The following MROH2A variants were observed in gnomAD, a reference collection of about 807,000 sequenced individuals.
MROH2A encodes the protein maestro heat-like repeat-containing protein family member 2A.
MROH2A carries 174 observed loss-of-function variants against 200.4 expected under a neutral mutation model. That is an observed-to-expected ratio of 0.87 (90% CI 0.77 to 0.98). The LOEUF (loss-of-function observed/expected upper bound fraction) is 0.98. MROH2A is among the 50% of genes least tolerant of loss of function. MROH2A has a pLI of 0.00. For missense variants in MROH2A, 2,045 were observed against 2,139.6 expected, an observed-to-expected ratio of 0.96 and a Z score of 0.87; for synonymous variants, 829 against 840.4, an observed-to-expected ratio of 0.99 and a Z score of 0.23.
Position 233,798,802 on chromosome 2 carries a change from C to A in MROH2A, c.1281C>A (p.Tyr427Ter). The change falls in exon 12 of 42, where the codon TAC becomes TAA. Residue 427 changes from tyrosine to a stop codon, truncating the protein, a stop_gained. Transcript: ENST00000389758. LOFTEE classifies it high-confidence loss of function. ...CCAGGATGAGTATCAGGGCCATCTA[C>A]CTGGCTATCCGGGTAGTCAAGAACA... ...DEPRMSIRAIYLAIRVVKNTI... is the reference protein window; with the variant it reads ...DEPRMSIRAI 1 of 1,550,498 alleles carries A rather than the reference C, an allele frequency of 6.4e-7. No homozygotes were observed. Among genetic ancestry groups the A allele is most frequent in the Non-Finnish European group, 8.7e-7 (1 of 1,146,964 alleles).
At position 233,790,012 on chromosome 2, in the gene MROH2A, A is replaced by G; in HGVS notation, c.569A>G (p.Asn190Ser). The change falls in exon 5 of 42, where the codon AAT (asparagine) becomes AGT (serine). Residue 190 changes from asparagine (N) to serine (S), a missense_variant and splice_region_variant. Physicochemically the swap from Asn to Ser is conservative, Grantham distance 46 (BLOSUM62 1). Transcript: ENST00000389758. ...IITLAKLANGNVFEFMPYMGI... is the reference protein window; with the variant it reads ...IITLAKLANGSVFEFMPYMGI... ...ACACTGGCCAAGCTGGCCAACGGCA[A>G]TGGTAGGGGCTTGAGGGCCCTCAGC... 12 of 1,547,224 alleles carry G rather than the reference A, an allele frequency of 7.8e-6. No homozygotes were observed. The highest frequency in any genetic ancestry group is 7.9e-6 in the Non-Finnish European group (9 of 1,145,176).
At chr2:233,805,244 C>T (rs553543309) in intron 19 of MROH2A, 133 bp downstream of exon 19, 58 of 577,244 alleles carry the variant, frequency 1.0e-4, no homozygotes, top group African/African-American at 7.2e-4. Context: ...AGGAGAGGAG[C>T]GTGGTCTGGA....
intron 15 of MROH2A, among the ~76,000 whole-genome samples, chr2:233,802,733 C>T (rs115681707): frequency 0.011 from 1,630 of 152,302 alleles, 16 homozygotes; most frequent in Non-Finnish European, 0.017. Flanking sequence ...GCACTGTTAA[C>T]ACCAGGCTCT....
chr2:233,788,996 G>A lies in MROH2A; in HGVS notation c.277-501G>A, dbSNP rs1299358602. ...AGTAACTTGTCATGCCTGATTAAAA[G>A]TATTCTCAAATACGACCCTCCAGGT... is the stretch of plus-strand genomic sequence containing the variant. On this transcript the variant is annotated intron_variant, in intron 3 of 41. Coordinates refer to ENST00000389758, the MANE Select transcript of MROH2A (RefSeq NM_001394639.1). 2.4e-5 allele frequency among the ~76,000 whole-genome samples: 3 copies of A among 125,268 alleles called. No homozygotes were observed. In the Admixed American group the frequency reaches 2.5e-4, roughly 10 times the overall value. The allele number at this position is 125,268 out of a possible 152,430, so 82.2% of individuals were successfully genotyped here.
Position 233,800,333 on chromosome 2 carries a change from C to T in MROH2A, c.1560+18C>T, listed in dbSNP as rs1040356922. Reference sequence around the variant, plus strand: ...TGACCACCGTGAGTGGGCCCTGCCCCACCCGCACAGTGGGTCACCACGCCA... The same window carrying T: ...TGACCACCGTGAGTGGGCCCTGCCCTACCCGCACAGTGGGTCACCACGCCA... On this transcript the variant is annotated intron_variant, in intron 14 of 41. Transcript: ENST00000389758. 33 of 1,472,196 alleles carry T rather than the reference C, an allele frequency of 2.2e-5. No individual in the cohort carries two copies. Among genetic ancestry groups the T allele is most frequent in the Non-Finnish European group, 2.7e-5 (29 of 1,084,842 alleles). 91.2% of individuals were successfully genotyped at this position (1,472,196 alleles called of 1,614,324 possible).
upstream of MROH2A, chr2:233,775,888 A>G (rs1317200225): frequency 2.0e-5 from 3 of 152,178 alleles, no homozygotes; most frequent in Non-Finnish European, 2.9e-5. Context: ...TCTCCATGCT[A>G]TTTGTGTGAT....
intron 3 of MROH2A, among the ~76,000 whole-genome samples, chr2:233,781,680 C>T (rs965939467): frequency 4.6e-5 from 7 of 152,102 alleles, no homozygotes; most frequent in Admixed American, 1.3e-4. Context: ...GTTGTCTCTT[C>T]GCTTTGTTCA....
intron 41 of MROH2A, 125 bp from the exon 42 acceptor site, chr2:233,833,013 A>G: frequency 2.6e-6 from 3 of 1,172,352 alleles, no homozygotes; most frequent in Non-Finnish European, 3.5e-6. Flanking sequence ...TTTCCCACAC[A>G]GGAGTTTCCC....
chr2:233,785,926 G>T lies in MROH2A; in HGVS notation c.277-3571G>T, dbSNP rs114562226. On this transcript the variant is annotated intron_variant, in intron 3 of 41. Transcript: ENST00000389758. Reference sequence around the variant, plus strand: ...TGGAAGCTGGAAGTCCCTGATTGAGGTGCGATATGGTTTGGCTGTGTCCCC... The same window carrying T: ...TGGAAGCTGGAAGTCCCTGATTGAGTTGCGATATGGTTTGGCTGTGTCCCC... 7.4e-3 allele frequency among the ~76,000 whole-genome samples: 1,123 copies of T among 152,248 alleles called. 11 individuals carry two copies. The highest frequency in any genetic ancestry group is 0.025 in the African/African-American group (1,059 of 41,554).
chr2:233,795,553 T>C (rs1348905917), intron 8 of MROH2A, 100 bp from the exon 9 acceptor site: 1 of 1,524,452 alleles, frequency 6.6e-7, no homozygotes, highest in Non-Finnish European at 8.9e-7. Context: ...CAGGGAATGC[T>C]GGTGCTCAGT....
At position 233,799,807 on chromosome 2, in the gene MROH2A, G is replaced by A; in HGVS notation, c.1357G>A (p.Gly453Arg). The change falls in exon 13 of 42, where the codon GGG (glycine) becomes AGG (arginine). Residue 453 changes from glycine (G) to arginine (R), a missense_variant. This residue lies in a region of MROH2A where 831 missense variants were observed against 800.0 expected (regional missense o/e 1.04). Coordinates refer to ENST00000389758, the MANE Select transcript of MROH2A (RefSeq NM_001394639.1). ...KVRMAILHII[G>R]QLALCGYQER... is the part of the protein sequence containing the mutation. Reference sequence around the variant, plus strand: ...GAGGATGGCTATTCTCCACATCATTGGGCAGTTGGCTCTCTGTGGCTACCA... The same window carrying A: ...GAGGATGGCTATTCTCCACATCATTAGGCAGTTGGCTCTCTGTGGCTACCA... 2 of 1,550,452 alleles carry A rather than the reference G, an allele frequency of 1.3e-6. No individual in the cohort carries two copies. Among genetic ancestry groups the A allele is most frequent in the Non-Finnish European group, 8.7e-7 (1 of 1,146,960 alleles).
chr2:233,823,293 A>G (rs1704075902), intron 34 of MROH2A, among the ~76,000 whole-genome samples: 2 of 152,168 alleles, frequency 1.3e-5, no homozygotes, highest in Non-Finnish European at 2.9e-5. Flanking sequence ...CAGGGATGGG[A>G]GTTACTTCTG....
In MROH2A at chr2:233,802,904, G is replaced by C. The variant is rs1368973591; in HGVS notation, c.1709-544G>C. ...CTCTGACTTTGATCTAAACAAGCTG[G>C]CCAGTCAATCCTCTGAGGTCTTCCT... On this transcript the variant is annotated intron_variant, in intron 15 of 41. Coordinates refer to ENST00000389758, the MANE Select transcript of MROH2A (RefSeq NM_001394639.1). Among the ~76,000 whole-genome samples the C allele has an allele frequency of 1.1e-4, 16 of 152,322 alleles. No individual in the cohort carries two copies. The East Asian group carries it at 2.9e-3, about 28-fold the overall frequency.
At chr2:233,813,540 A>G in intron 24 of MROH2A, 130 bp from the exon 25 acceptor site, 1 of 613,752 alleles carries the variant, frequency 1.6e-6, no homozygotes, top group Non-Finnish European at 2.9e-6. Flanking sequence ...GATGCTTGCC[A>G]GAGCCTCCAA....
At chr2:233,798,592 C>T (rs554327914) in intron 11 of MROH2A, among the ~76,000 whole-genome samples, 182 bp from the exon 12 acceptor site, 2 of 152,128 alleles carry the variant, frequency 1.3e-5, no homozygotes, top group Non-Finnish European at 2.9e-5. Context: ...GGGAACGAGG[C>T]GTGGAAACAA....
intron 35 of MROH2A, among the ~76,000 whole-genome samples, chr2:233,824,385 T>A (rs1704164285): frequency 6.6e-6 from 1 of 152,236 alleles, no homozygotes; most frequent in African/African-American, 2.4e-5. Flanking sequence ...ACAAGACCAG[T>A]CTGGGAGGTA....
chr2:233,790,156 G>GTGC, intron 5 of MROH2A, 142 bp downstream of exon 5: 1 of 809,054 alleles, frequency 1.2e-6, no homozygotes, highest in Non-Finnish European at 1.8e-6. Context: ...GATTCATTTT[G>GTGC]TGTCTGCAGT....
In MROH2A at chr2:233,789,524, TACA is replaced by T; in HGVS notation, c.308_310del (p.Asn103del). 1.4e-6 allele frequency: 2 copies of T among 1,459,764 alleles called. No individual in the cohort carries two copies. Among genetic ancestry groups the T allele is most frequent in the Non-Finnish European group, 1.8e-6 (2 of 1,103,802 alleles). 90.4% of individuals were successfully genotyped at this position (1,459,764 alleles called of 1,614,324 possible). Reference sequence around the variant, plus strand: ...TTCCACCCAGCGCAAGGTCAACATTTACAACATCCTCCAGGACATCATCCAGCA... The same window carrying T: ...TTCCACCCAGCGCAAGGTCAACATTTACATCCTCCAGGACATCATCCAGCA... On this transcript the variant is annotated inframe_deletion, in exon 4 of 42. Coordinates refer to ENST00000389758, the MANE Select transcript of MROH2A (RefSeq NM_001394639.1).
intron 31 of MROH2A, among the ~76,000 whole-genome samples, chr2:233,821,251 T>C (rs534447515): frequency 1.3e-5 from 2 of 152,308 alleles, no homozygotes; most frequent in East Asian, 3.9e-4. Flanking sequence ...TCTTCCAGGA[T>C]TGTGTCATTG....
Sources: gnomAD v4.1 joint callset for allele counts (sites outside exome capture counted in the v4.1 genomes callset) on GRCh38, gnomAD v4.1.1 for gene constraint, gnomAD v4.1.1 regional missense constraint, MANE v1.5 for transcripts, NCBI Gene and HGNC (gene_info 2026-07-23, HGNC 2026-07-21) for gene names.